The following DNM3 variants were observed in gnomAD, a reference collection of about 807,000 sequenced individuals.
DNM3 encodes the protein dynamin 3.
DNM3 carries 47 observed loss-of-function variants against 101.6 expected under a neutral mutation model. The observed-to-expected ratio is 0.46, with a 90% CI of 0.37 to 0.59. The LOEUF is 0.59. DNM3 is among the 20% of genes least tolerant of loss of function. The probability of loss-of-function intolerance (pLI) is 0.00; values close to 1 mark genes in which losing one functional copy is unlikely to be tolerated. For synonymous variants in DNM3, 385 were observed against 387.9 expected, an observed-to-expected ratio of 0.99 and a Z score of 0.09; for missense variants, 849 against 1,085.7, an observed-to-expected ratio of 0.78 and a Z score of 3.06.
chr1:172,044,987 G>C (rs1437743467), intron 9 of DNM3, among the ~76,000 whole-genome samples: 4 of 118,840 alleles, frequency 3.4e-5, no homozygotes, highest in Non-Finnish European at 6.9e-5. Context: ...GGAGAGGATG[G>C]AAGGATGGAA....
chr1:171,951,809 C>T (rs542963316), intron 2 of DNM3, among the ~76,000 whole-genome samples: 2 of 152,262 alleles, frequency 1.3e-5, no homozygotes, highest in East Asian at 1.9e-4. Flanking sequence ...AGGAAACAGC[C>T]TCAAGAAGTC....
intron 17 of DNM3, among the ~76,000 whole-genome samples, chr1:172,340,290 C>T (rs1428427132): frequency 6.6e-6 from 1 of 152,124 alleles, no homozygotes; most frequent in African/African-American, 2.4e-5. Context: ...AACATATTCC[C>T]TTGTATTATA....
chr1:172,390,666 A>G (rs994862707), intron 20 of DNM3, among the ~76,000 whole-genome samples: 5 of 152,238 alleles, frequency 3.3e-5, no homozygotes, highest in African/African-American at 7.2e-5. Context: ...ATGTAAAACC[A>G]TGAATTTCCG....
At chr1:172,403,419 C>T (rs1414499457) in intron 20 of DNM3, among the ~76,000 whole-genome samples, 1 of 152,086 alleles carries the variant, frequency 6.6e-6, no homozygotes, top group Non-Finnish European at 1.5e-5. Flanking sequence ...AAATGGGCCT[C>T]ATATCATGAA....
At chr1:171,989,893 T>C (rs2045521916) in intron 4 of DNM3, among the ~76,000 whole-genome samples, 1 of 152,040 alleles carries the variant, frequency 6.6e-6, no homozygotes, top group South Asian at 2.1e-4. Flanking sequence ...ATTTCTTTGT[T>C]CTTTTTATCT....
chr1:172,071,121 C>T (rs1298493963), intron 11 of DNM3, among the ~76,000 whole-genome samples: 1 of 75,770 alleles, frequency 1.3e-5, no homozygotes, highest in Non-Finnish European at 2.5e-5. Flanking sequence ...ATATATATAT[C>T]TTAGTTCTTA....
intron 13 of DNM3, among the ~76,000 whole-genome samples, chr1:172,099,889 G>A (rs2054515378): frequency 6.6e-6 from 1 of 152,154 alleles, no homozygotes; most frequent in Non-Finnish European, 1.5e-5. Context: ...AAATGGGGAT[G>A]AAATGTCCTT....
chr1:171,951,964 G>T (rs1230641264), intron 2 of DNM3, among the ~76,000 whole-genome samples: 2 of 152,176 alleles, frequency 1.3e-5, no homozygotes, highest in African/African-American at 4.8e-5. Context: ...GAGAGTTGGG[G>T]TGTTACAGGT....
chr1:172,396,664 G>A (rs1210445285), intron 20 of DNM3, among the ~76,000 whole-genome samples: 1 of 152,142 alleles, frequency 6.6e-6, no homozygotes, highest in Non-Finnish European at 1.5e-5. Flanking sequence ...CTTGGGAATG[G>A]TCTTATTTTA....
At chr1:171,912,119 G>C (rs2039357916) in intron 1 of DNM3, among the ~76,000 whole-genome samples, 2 of 152,146 alleles carry the variant, frequency 1.3e-5, no homozygotes, top group South Asian at 4.1e-4. Context: ...GCAGGAAGGG[G>C]TGGCTAACAG....
At chr1:172,289,708 A>G in intron 15 of DNM3, 2 of 984,672 alleles carry the variant, frequency 2.0e-6, no homozygotes, top group Non-Finnish European at 2.4e-6. Flanking sequence ...TTGTCTCTGA[A>G]TAGAGTTTTG....
chr1:171,914,454 G>T (rs1395945872), intron 1 of DNM3, among the ~76,000 whole-genome samples: 1 of 152,194 alleles, frequency 6.6e-6, no homozygotes, highest in Non-Finnish European at 1.5e-5. Flanking sequence ...ACCACAGCTG[G>T]CTGAGATTTC....
chr1:172,363,261 G>A (rs2067840093), intron 17 of DNM3, among the ~76,000 whole-genome samples: 1 of 151,590 alleles, frequency 6.6e-6, no homozygotes, highest in Non-Finnish European at 1.5e-5. Flanking sequence ...TTTCTGTTGT[G>A]GCTTCTGAAT....
chr1:171,978,669 C>A (rs950082962), intron 2 of DNM3, among the ~76,000 whole-genome samples: 1 of 152,092 alleles, frequency 6.6e-6, no homozygotes, highest in African/African-American at 2.4e-5. Context: ...GAGATCTTTC[C>A]AGCTACTGGG....
intron 14 of DNM3, among the ~76,000 whole-genome samples, chr1:172,234,580 A>T (rs1353825059): frequency 1.3e-5 from 2 of 152,200 alleles, no homozygotes; most frequent in East Asian, 3.8e-4. Flanking sequence ...TGCCAAGTCA[A>T]TCCTAAGCCA....
Position 172,379,113 on chromosome 1 carries a change from C to T in DNM3, c.1989C>T (p.Tyr663=). 1.2e-6 allele frequency: 2 copies of T among 1,612,168 alleles called. No homozygotes were observed. The highest frequency in any genetic ancestry group is 1.7e-6 in the Non-Finnish European group (2 of 1,178,900). The stretch of plus-strand genomic sequence containing the variant: ...CCATTCGCAACCTCGTAGACTCCTA[C>T]ATGTCCATTATCAACAAATGTATCC... ...VETIRNLVDS[Y]MSIINKCIRD... Residue 663 remains tyrosine (Y), a synonymous_variant, in exon 18 of 21, where the codon TAC becomes TAT. Transcript: ENST00000627582.
At chr1:172,062,180 T>TG (rs1366950020) in intron 10 of DNM3, among the ~76,000 whole-genome samples, 1 of 152,184 alleles carries the variant, frequency 6.6e-6, no homozygotes, top group African/African-American at 2.4e-5. Flanking sequence ...GTTGTGAAGT[T>TG]TTTTTCCATT....
chr1:172,107,895 C>T (rs2055177496), intron 13 of DNM3, among the ~76,000 whole-genome samples: 1 of 152,154 alleles, frequency 6.6e-6, no homozygotes, highest in Admixed American at 6.5e-5. Context: ...TCAGAATATT[C>T]CACAAAATAT....
chr1:172,138,723 C>A, intron 14 of DNM3: 1 of 297,696 alleles, frequency 3.4e-6, no homozygotes, highest in Admixed American at 4.7e-5. Flanking sequence ...CCCCGAGCCC[C>A]TCATTTTGGT....
Sources: gnomAD v4.1 joint callset for allele counts (sites outside exome capture counted in the v4.1 genomes callset) on GRCh38, gnomAD v4.1.1 for gene constraint, MANE v1.5 for transcripts, NCBI Gene and HGNC (gene_info 2026-07-23, HGNC 2026-07-21) for gene names.